The following EXOC6B variants were observed in gnomAD, a reference collection of about 807,000 sequenced individuals.
The protein encoded by EXOC6B is exocyst complex component 6B, also known as SEC15 homolog B.
EXOC6B carries 54 observed loss-of-function variants against 113.5 expected under a neutral mutation model. That is an observed-to-expected ratio of 0.48 (90% CI 0.38 to 0.60). EXOC6B has a LOEUF of 0.60. EXOC6B is among the 20% of genes least tolerant of loss of function. The probability of loss-of-function intolerance (pLI) is 0.00; values close to 1 mark genes in which losing one functional copy is unlikely to be tolerated. For synonymous variants in EXOC6B, 357 were observed against 339.0 expected, an observed-to-expected ratio of 1.05 and a Z score of -0.58; for missense variants, 797 against 977.5, an observed-to-expected ratio of 0.82 and a Z score of 2.46.
intron 6 of EXOC6B, among the ~76,000 whole-genome samples, chr2:72,665,971 A>G (rs1239685857): frequency 6.6e-6 from 1 of 152,234 alleles, no homozygotes; most frequent in African/African-American, 2.4e-5. Flanking sequence ...TCATAGACTC[A>G]AAGTAAAGGA....
At chr2:72,677,658 T>C (rs1676410274) in intron 6 of EXOC6B, among the ~76,000 whole-genome samples, 1 of 152,164 alleles carries the variant, frequency 6.6e-6, no homozygotes, top group Admixed American at 6.5e-5. Flanking sequence ...AGAGAAAAAA[T>C]GCAGTTTATT....
At chr2:72,472,897 A>C (rs1241180359) in intron 17 of EXOC6B, among the ~76,000 whole-genome samples, 1 of 152,088 alleles carries the variant, frequency 6.6e-6, no homozygotes, top group Non-Finnish European at 1.5e-5. Flanking sequence ...CATTTGTTCC[A>C]AAAAACATTT....
At chr2:72,677,643 A>C (rs1371490771) in intron 6 of EXOC6B, among the ~76,000 whole-genome samples, 1 of 152,232 alleles carries the variant, frequency 6.6e-6, no homozygotes, top group Non-Finnish European at 1.5e-5. Context: ...CCTAACTCCT[A>C]GGAGAGAGAA....
intron 19 of EXOC6B, among the ~76,000 whole-genome samples, chr2:72,366,647 A>C (rs1690642608): frequency 6.6e-6 from 1 of 152,156 alleles, no homozygotes; most frequent in Non-Finnish European, 1.5e-5. Flanking sequence ...CAGCCTAATG[A>C]AATTGCTGAG....
At chr2:72,608,787 G>A (rs1670894952) in intron 6 of EXOC6B, among the ~76,000 whole-genome samples, 1 of 152,116 alleles carries the variant, frequency 6.6e-6, no homozygotes, top group South Asian at 2.1e-4. Flanking sequence ...CAGAAGAGAT[G>A]TGGATGGGGA....
intron 20 of EXOC6B, chr2:72,289,058 C>A: frequency 3.3e-6 from 1 of 298,628 alleles, no homozygotes; most frequent in Non-Finnish European, 6.3e-6. Flanking sequence ...GTATCACGGA[C>A]CAAGAAGAAG....
rs9653555 is a variant in EXOC6B, at chr2:72,471,388, A to G, written c.1801-6049T>C. On this transcript the variant is annotated intron_variant, in intron 17 of 21. Transcript: ENST00000272427. Reference sequence around the variant, plus strand: ...GCCCTTTGTCAGATGAGTAGGTTGAAAAAATTTTCTCCCATTCTGTAGGTT... The same window carrying G: ...GCCCTTTGTCAGATGAGTAGGTTGAGAAAATTTTCTCCCATTCTGTAGGTT... Among the ~76,000 whole-genome samples the G allele has an allele frequency of 4.6e-5, 7 of 152,224 alleles. No homozygotes were observed. The East Asian group carries it at 1.2e-3, about 25-fold the overall frequency.
chr2:72,603,466 A>G (rs549438177), intron 6 of EXOC6B, among the ~76,000 whole-genome samples: 5 of 152,154 alleles, frequency 3.3e-5, no homozygotes, highest in Non-Finnish European at 5.9e-5. Flanking sequence ...TGAGGAGAAA[A>G]AGAAGAAAAA....
intron 20 of EXOC6B, among the ~76,000 whole-genome samples, chr2:72,312,814 A>C (rs1236389922): frequency 4.1e-5 from 6 of 146,768 alleles, no homozygotes; most frequent in South Asian, 2.1e-4. Context: ...AAAAAAAAAA[A>C]CAAAAAACAA....
chr2:72,635,577 C>G (rs541986311), intron 6 of EXOC6B, among the ~76,000 whole-genome samples: 1 of 152,244 alleles, frequency 6.6e-6, no homozygotes. Flanking sequence ...AAAATCTCCC[C>G]TTAAAAAATC....
rs1251698068 is a variant in EXOC6B at position 72,515,095 on chromosome 2, C to T, written c.947G>A (p.Arg316Gln). The change falls in exon 9 of 22, where the codon CGA becomes CAA. Residue 316 changes from arginine to glutamine, a missense_variant. Physicochemically the swap from Arg to Gln is conservative, Grantham distance 43. Coordinates refer to ENST00000272427, the MANE Select transcript of EXOC6B (RefSeq NM_015189.3). ...GARETFENYY[R>Q]KQRRKQARLV... is the part of the protein sequence containing the mutation. ...ACGAGCCTGTTTTCGCCTCTGTTTT[C>T]GGTAGTAATTCTCAAATGTTTCCCG... 18 of 1,606,532 alleles carry T rather than the reference C, an allele frequency of 1.1e-5. No individual in the cohort carries two copies. The highest frequency in any genetic ancestry group is 1.4e-5 in the Non-Finnish European group (17 of 1,176,474).
intron 1 of EXOC6B, among the ~76,000 whole-genome samples, chr2:72,813,458 AT>A (rs1686035653): frequency 6.6e-6 from 1 of 151,844 alleles, no homozygotes; most frequent in Non-Finnish European, 1.5e-5. Flanking sequence ...CTAATAATCT[AT>A]TTTTCTTGGG....
intron 1 of EXOC6B, among the ~76,000 whole-genome samples, chr2:72,791,835 G>A (rs1573803820): frequency 6.6e-6 from 1 of 152,152 alleles, no homozygotes; most frequent in Non-Finnish European, 1.5e-5. Context: ...CAAAGGCAGC[G>A]AACATATAAT....
intron 8 of EXOC6B, 192 bp from the exon 9 acceptor site, chr2:72,515,318 C>T (rs1701157499): frequency 1.1e-6 from 1 of 882,554 alleles, no homozygotes; most frequent in Non-Finnish European, 1.7e-6. Context: ...AGTTACAAAC[C>T]TGTAAGGATG....
intron 20 of EXOC6B, among the ~76,000 whole-genome samples, chr2:72,303,994 A>G (rs1250660803): frequency 6.6e-6 from 1 of 152,122 alleles, no homozygotes; most frequent in Admixed American, 6.6e-5. Flanking sequence ...AGGGGTTCAG[A>G]CTAGCCCCTG....
chr2:72,643,767 A>G (rs908682481), intron 6 of EXOC6B, among the ~76,000 whole-genome samples: 6 of 151,708 alleles, frequency 4.0e-5, no homozygotes, highest in South Asian at 2.1e-4. Flanking sequence ...GTATAATTTA[A>G]AAAAAATAAA....
At chr2:72,362,980 C>A (rs1473402650) in intron 19 of EXOC6B, among the ~76,000 whole-genome samples, 1 of 152,114 alleles carries the variant, frequency 6.6e-6, no homozygotes, top group Non-Finnish European at 1.5e-5. Flanking sequence ...AACCCAGACA[C>A]AGACTGAATA....
At chr2:72,603,300 G>A (rs1411455905) in intron 6 of EXOC6B, among the ~76,000 whole-genome samples, 1 of 151,998 alleles carries the variant, frequency 6.6e-6, no homozygotes, top group Non-Finnish European at 1.5e-5. Context: ...ACTTTTAAAA[G>A]ATGGAAGTAC....
At chr2:72,282,660 C>T (rs563175583) in intron 20 of EXOC6B, among the ~76,000 whole-genome samples, 1 of 152,108 alleles carries the variant, frequency 6.6e-6, no homozygotes, top group Admixed American at 6.6e-5. Flanking sequence ...ACTCTCCACG[C>T]TGCTCATTAG....
Sources: gnomAD v4.1 joint callset for allele counts (sites outside exome capture counted in the v4.1 genomes callset) on GRCh38, gnomAD v4.1.1 for gene constraint, MANE v1.5 for transcripts, NCBI Gene and HGNC (gene_info 2026-07-23, HGNC 2026-07-21) for gene names.